ANKS1A: variants seen among roughly 807,000 people sequenced by gnomAD.
The protein encoded by ANKS1A is ankyrin repeat and SAM domain-containing protein 1A.
In ANKS1A, 55 loss-of-function variants were observed where a neutral mutation model predicts 120.3. The observed-to-expected ratio is 0.46, with a 90% CI of 0.37 to 0.57. The LOEUF is 0.57. Ranked by LOEUF, ANKS1A falls within the 20% of genes least tolerant of loss-of-function variation. The probability of loss-of-function intolerance (pLI) is 0.00; values close to 1 mark genes in which losing one functional copy is unlikely to be tolerated. For missense variants in ANKS1A, 1,123 were observed against 1,480.3 expected (o/e 0.76, Z 3.96); for synonymous variants, 590 against 604.7 (o/e 0.98, Z 0.36).
At chr6:34,893,837 G>T (rs765531237) in intron 1 of ANKS1A, among the ~76,000 whole-genome samples, 1 of 152,006 alleles carries the variant, frequency 6.6e-6, no homozygotes, top group Non-Finnish European at 1.5e-5. Flanking sequence ...TCAGTTTACT[G>T]TATCTTTGTG....
chr6:35,014,287 C>T (rs778283373), intron 10 of ANKS1A, among the ~76,000 whole-genome samples: 5 of 152,202 alleles, frequency 3.3e-5, no homozygotes, highest in Non-Finnish European at 4.4e-5. Flanking sequence ...AAGTGTCTTT[C>T]TTAGGAATTG....
rs1409001511 is a variant in ANKS1A, at chr6:35,086,897, C to G, written c.3304-55C>G. 1 of 1,566,378 alleles carries G rather than the reference C, an allele frequency of 6.4e-7. No homozygotes were observed. The highest frequency in any genetic ancestry group is 1.7e-5 in the Admixed American group (1 of 59,962). On this transcript the variant is annotated intron_variant, in intron 22 of 23. Coordinates refer to ENST00000360359, the MANE Select transcript of ANKS1A (RefSeq NM_015245.3). The surrounding 1 kb of genome is among the most constrained non-coding windows in gnomAD (Gnocchi z 5.1). ...CCTGGGGGTGGGAGGGGCCTGCTGC[C>G]TCCAGCCCTGGCACAGAGCTCCCTC... is the stretch of plus-strand genomic sequence containing the variant.
intron 1 of ANKS1A, among the ~76,000 whole-genome samples, chr6:34,918,638 C>T (rs913383906): frequency 2.6e-5 from 4 of 152,144 alleles, no homozygotes; most frequent in African/African-American, 9.7e-5. Flanking sequence ...CGACGTTGAG[C>T]ATATTGTCTC....
At chr6:35,049,804 CT>C (rs1214171633) in intron 11 of ANKS1A, among the ~76,000 whole-genome samples, 1 of 152,228 alleles carries the variant, frequency 6.6e-6, no homozygotes, top group Non-Finnish European at 1.5e-5. Flanking sequence ...TCCTGCTCTC[CT>C]GATATTTGGC....
intron 16 of ANKS1A, among the ~76,000 whole-genome samples, chr6:35,080,208 C>T (rs1441982846): frequency 1.3e-5 from 2 of 150,850 alleles, no homozygotes; most frequent in South Asian, 2.1e-4. Flanking sequence ...AGGGAGGGGC[C>T]GAGTCAGGTA....
chr6:34,902,806 A>C (rs1767427352), intron 1 of ANKS1A, among the ~76,000 whole-genome samples: 1 of 151,520 alleles, frequency 6.6e-6, no homozygotes, highest in African/African-American at 2.4e-5. Context: ...CCGTCTCAAA[A>C]AAAAAAAAAA....
At chr6:34,903,193 A>T (rs1767447378) in intron 1 of ANKS1A, among the ~76,000 whole-genome samples, 1 of 152,188 alleles carries the variant, frequency 6.6e-6, no homozygotes. Context: ...TAATCCATAA[A>T]ACCCATTTCC....
intron 1 of ANKS1A, among the ~76,000 whole-genome samples, chr6:34,914,620 C>T (rs1768070079): frequency 6.6e-6 from 1 of 152,016 alleles, no homozygotes; most frequent in African/African-American, 2.4e-5. Flanking sequence ...ATGTGTTGGC[C>T]CCTTTTCTTG....
At chr6:35,016,405 T>TGTGAA (rs1339085768) in intron 10 of ANKS1A, among the ~76,000 whole-genome samples, 1 of 152,220 alleles carries the variant, frequency 6.6e-6, no homozygotes, top group Non-Finnish European at 1.5e-5. Flanking sequence ...TATTATGGAA[T>TGTGAA]GTGAGCTAGT....
chr6:34,998,008 G>A (rs995540269), intron 10 of ANKS1A, among the ~76,000 whole-genome samples: 4 of 152,204 alleles, frequency 2.6e-5, no homozygotes, highest in Admixed American at 6.5e-5. Context: ...TGTGGGATGC[G>A]CCTGCCTCAA....
intron 1 of ANKS1A, among the ~76,000 whole-genome samples, chr6:34,904,021 C>G (rs1344323308): frequency 1.3e-5 from 2 of 152,150 alleles, no homozygotes; most frequent in African/African-American, 4.8e-5. Context: ...GTTTGGGCCA[C>G]AAATCTGGGA....
At chr6:35,022,645 TTAA>T (rs1210883221) in intron 11 of ANKS1A, among the ~76,000 whole-genome samples, 1 of 152,198 alleles carries the variant, frequency 6.6e-6, no homozygotes, top group Non-Finnish European at 1.5e-5. Flanking sequence ...CTTTGTTGTC[TTAA>T]TGATGCTTGG....
chr6:34,898,090 G>C (rs997775729), intron 1 of ANKS1A, among the ~76,000 whole-genome samples: 2 of 152,200 alleles, frequency 1.3e-5, no homozygotes, highest in Non-Finnish European at 2.9e-5. Flanking sequence ...ACATGGCAAG[G>C]GTTTGGTAAC....
chr6:34,950,937 G>A (rs1221583607), intron 1 of ANKS1A, among the ~76,000 whole-genome samples: 1 of 152,198 alleles, frequency 6.6e-6, no homozygotes, highest in East Asian at 1.9e-4. Flanking sequence ...CTGAAGTTTG[G>A]TCAAGCAGAG....
chr6:34,983,987 G>T (rs986363813), intron 7 of ANKS1A, among the ~76,000 whole-genome samples: 2 of 151,934 alleles, frequency 1.3e-5, no homozygotes, highest in Non-Finnish European at 2.9e-5. Context: ...GTAGAGACAG[G>T]GTTTCACCAT....
At chr6:35,006,383 G>C (rs1229677237) in intron 10 of ANKS1A, among the ~76,000 whole-genome samples, 4 of 151,718 alleles carry the variant, frequency 2.6e-5, no homozygotes, top group African/African-American at 9.7e-5. Flanking sequence ...TGGATTGTTT[G>C]TAACATAAAG....
chr6:35,035,219 A>C (rs1392189483), intron 11 of ANKS1A, among the ~76,000 whole-genome samples: 1 of 152,216 alleles, frequency 6.6e-6, no homozygotes, highest in Non-Finnish European at 1.5e-5. Context: ...GTAGAGTTAA[A>C]GGACACAATT....
intron 1 of ANKS1A, among the ~76,000 whole-genome samples, chr6:34,903,065 A>C (rs2127449332): frequency 6.6e-6 from 1 of 152,250 alleles, no homozygotes; most frequent in Non-Finnish European, 1.5e-5. Flanking sequence ...GTGTTTGCTG[A>C]GAGGAATGCA....
chr6:34,928,187 TA>T (rs2127471264), intron 1 of ANKS1A, among the ~76,000 whole-genome samples: 1 of 152,340 alleles, frequency 6.6e-6, no homozygotes, highest in African/African-American at 2.4e-5. Context: ...AGATTGGGAA[TA>T]TTGTCTTCCC....
Sources: allele counts gnomAD v4.1 joint callset (sites outside exome capture counted in the v4.1 genomes callset), GRCh38; gene constraint gnomAD v4.1.1; non-coding constraint Gnocchi (gnomAD v3.1); transcripts MANE v1.5; gene names NCBI Gene and HGNC (gene_info 2026-07-23, HGNC 2026-07-21).